RRP12: variants seen among roughly 807,000 people sequenced by gnomAD.
The protein encoded by RRP12 is RRP12-like protein.
A neutral mutation model predicts 157.3 loss-of-function variants in RRP12; 78 were observed. The observed-to-expected ratio is 0.50, with a 90% CI of 0.41 to 0.60. RRP12 has a LOEUF of 0.60. RRP12 is among the 20% of genes least tolerant of loss of function. RRP12 has a pLI of 0.00. For missense variants in RRP12, 1,521 were observed against 1,679.9 expected, an observed-to-expected ratio of 0.91 and a Z score of 1.65; for synonymous variants, 726 against 670.9, an observed-to-expected ratio of 1.08 and a Z score of -1.27.
intron 15 of RRP12, among the ~76,000 whole-genome samples, chr10:97,374,727 G>A (rs1029701714): frequency 6.8e-6 from 1 of 147,736 alleles, no homozygotes; most frequent in Non-Finnish European, 1.5e-5. Flanking sequence ...AGCCGAGATC[G>A]TGCTATTGCA....
chr10:97,398,598 C>A (rs1419219808), intron 2 of RRP12, among the ~76,000 whole-genome samples: 1 of 151,598 alleles, frequency 6.6e-6, no homozygotes, highest in Non-Finnish European at 1.5e-5. Flanking sequence ...CTGCCCACCT[C>A]GGCCTCCCAA....
In RRP12 at chr10:97,395,207, T is replaced by TACACACACACACAC. The variant is rs1554882670; in HGVS notation, c.453+997_453+1010dup. On this transcript the variant is annotated intron_variant, in intron 3 of 33. Transcript: ENST00000370992. ...AATAAAAAGTATATATATACACATATACACACACACACACACATACATACA... is the reference window on the plus strand; with the variant it reads ...AATAAAAAGTATATATATACACATATACACACACACACACACACACACACACACACATACATACA... 5.1e-3 allele frequency among the ~76,000 whole-genome samples: 770 copies of TACACACACACACAC among 149,956 alleles called. 6 individuals carry two copies. The highest frequency in any genetic ancestry group is 6.4e-3 in the Non-Finnish European group (433 of 67,658).
chr10:97,380,958 G>A (rs1844451010), intron 12 of RRP12, 45 bp from the exon 13 acceptor site: 3 of 1,467,388 alleles, frequency 2.0e-6, no homozygotes, highest in Non-Finnish European at 2.9e-6. Context: ...ACACCACCCT[G>A]TGCCCCCCAC....
rs571958192 is a variant in RRP12 at position 97,392,683 on chromosome 10, C to A, written c.530+1001G>T. On this transcript the variant is annotated intron_variant, in intron 4 of 33. Coordinates refer to ENST00000370992, the MANE Select transcript of RRP12 (RefSeq NM_015179.4). ...AATTTTTATTACTCAAAACAAATTT[C>A]ATTTTCTTTCTATTTTTTTTTTTTT... is the stretch of plus-strand genomic sequence containing the variant. Among the ~76,000 whole-genome samples the A allele has an allele frequency of 4.1e-5, 6 of 145,830 alleles. No homozygotes were observed. The East Asian group carries it at 1.2e-3, about 29-fold the overall frequency.
intron 10 of RRP12, among the ~76,000 whole-genome samples, chr10:97,384,028 C>T (rs1306634128): frequency 6.6e-6 from 1 of 152,108 alleles, no homozygotes; most frequent in East Asian, 1.9e-4. Flanking sequence ...CCGTCAGGCC[C>T]CAGGAGGCTG....
At chr10:97,397,448 C>T in intron 2 of RRP12, among the ~76,000 whole-genome samples, 1 of 152,152 alleles carries the variant, frequency 6.6e-6, no homozygotes, top group Admixed American at 6.6e-5. Context: ...AGGCGTGAGC[C>T]ACCTCGCCTG....
intron 4 of RRP12, among the ~76,000 whole-genome samples, chr10:97,392,965 A>G (rs1178175313): frequency 6.6e-6 from 1 of 151,668 alleles, no homozygotes; most frequent in Non-Finnish European, 1.5e-5. Flanking sequence ...TGCTGGGATT[A>G]CAGGCGATCT....
intron 15 of RRP12, among the ~76,000 whole-genome samples, chr10:97,375,455 T>C (rs1347123204): frequency 1.3e-5 from 2 of 152,082 alleles, no homozygotes; most frequent in Non-Finnish European, 2.9e-5. Context: ...ATGAGAAAGA[T>C]ACTAGATGTG....
chr10:97,358,060 C>T (rs1843755786), intron 33 of RRP12, among the ~76,000 whole-genome samples: 1 of 151,828 alleles, frequency 6.6e-6, no homozygotes, highest in African/African-American at 2.4e-5. Context: ...CAGGGCGGGG[C>T]ACGGTGGCTC....
At chr10:97,399,707 AC>A (rs1177432422) in intron 2 of RRP12, among the ~76,000 whole-genome samples, 4 of 151,114 alleles carry the variant, frequency 2.6e-5, no homozygotes, top group African/African-American at 9.7e-5. Flanking sequence ...ATACACACAC[AC>A]AAAAAATTAG....
At chr10:97,386,898 G>A (rs1414605897) in intron 8 of RRP12, among the ~76,000 whole-genome samples, 1 of 152,114 alleles carries the variant, frequency 6.6e-6, no homozygotes, top group Non-Finnish European at 1.5e-5. Flanking sequence ...GCTGAGGCAG[G>A]AGAATGGCGT....
chr10:97,361,662 G>A (rs1217066575), intron 30 of RRP12, among the ~76,000 whole-genome samples: 1 of 152,198 alleles, frequency 6.6e-6, no homozygotes, highest in Non-Finnish European at 1.5e-5. Flanking sequence ...AACAGGAACC[G>A]GGAGGAAGCT....
intron 32 of RRP12, 57 bp from the exon 33 acceptor site, chr10:97,358,676 G>T (rs1843771748): frequency 2.2e-6 from 3 of 1,336,608 alleles, no homozygotes; most frequent in East Asian, 2.3e-5. Flanking sequence ...TTCTGTCCCT[G>T]CCCTAGACTT....
At position 97,357,174 on chromosome 10, in the gene RRP12, G is replaced by A. The variant is rs1290033241; in HGVS notation, c.3814C>T (p.Gln1272Ter). ...NRRKKMKLQG[Q>*]FKGLVKAARR... ...GCAGCCTTCACCAGGCCTTTGAACT[G>A]TCCCTGCAGCTTCATCTTCTTCCTG... The change falls in exon 34 of 34, where the codon CAG becomes TAG. Residue 1272 changes from glutamine (Q) to a stop codon, truncating the protein, a stop_gained. Transcript: ENST00000370992. LOFTEE classifies it high-confidence loss of function. The A allele has an allele frequency of 1.2e-6, 2 of 1,610,962 alleles. No individual in the cohort carries two copies. Among genetic ancestry groups the A allele is most frequent in the Middle Eastern group, 3.3e-4 (2 of 6,060 alleles).
At chr10:97,367,875 G>A (rs1188968275) in intron 25 of RRP12, among the ~76,000 whole-genome samples, 1 of 152,058 alleles carries the variant, frequency 6.6e-6, no homozygotes, top group African/African-American at 2.4e-5. Flanking sequence ...GGGATTACAG[G>A]TGCCTGCTAT....
intron 10 of RRP12, among the ~76,000 whole-genome samples, chr10:97,384,334 C>A (rs1375741100): frequency 6.7e-6 from 1 of 149,318 alleles, no homozygotes; most frequent in South Asian, 2.1e-4. Context: ...GGACCCCCAA[C>A]CTCTGCAGCC....
intron 6 of RRP12, among the ~76,000 whole-genome samples, chr10:97,389,234 C>G (rs895885484): frequency 2.6e-5 from 4 of 152,120 alleles, no homozygotes; most frequent in Non-Finnish European, 4.4e-5. Flanking sequence ...GCTGGGACTA[C>G]AGGCGCCCGC....
At chr10:97,358,400 G>A in intron 33 of RRP12, 137 bp downstream of exon 33, 1 of 691,814 alleles carries the variant, frequency 1.4e-6, no homozygotes. Flanking sequence ...CATGATATAG[G>A]TGCATGTTAA....
chr10:97,384,205 G>T (rs1023939986), intron 10 of RRP12, among the ~76,000 whole-genome samples: 2 of 56,898 alleles, frequency 3.5e-5, no homozygotes, highest in Admixed American at 3.3e-4. Flanking sequence ...GCCAGGATGG[G>T]GCTCTGAGCA....
Sources: gnomAD v4.1 joint callset for allele counts (sites outside exome capture counted in the v4.1 genomes callset) on GRCh38, gnomAD v4.1.1 for gene constraint, MANE v1.5 for transcripts, NCBI Gene and HGNC (gene_info 2026-07-23, HGNC 2026-07-21) for gene names.